CARD8: variants seen among roughly 807,000 people sequenced by gnomAD.
The protein encoded by CARD8 is caspase recruitment domain-containing protein 8.
A neutral mutation model predicts 53.2 loss-of-function variants in CARD8; 38 were observed. The ratio of observed to expected loss-of-function variants is 0.71; its 90% CI spans 0.55 to 0.94. The LOEUF (loss-of-function observed/expected upper bound fraction) is 0.94, where lower values mean the gene tolerates loss of function less well. Ranked by LOEUF, CARD8 falls within the 40% of genes least tolerant of loss-of-function variation. The pLI, the probability that CARD8 is intolerant of heterozygous loss-of-function variation, is 0.00. For synonymous variants in CARD8, 245 were observed against 244.9 expected, an observed-to-expected ratio of 1.00 and a Z score of 0.00; for missense variants, 561 against 655.5, an observed-to-expected ratio of 0.86 and a Z score of 1.57.
intron 7 of CARD8, 66 bp from the exon 8 acceptor site, chr19:48,231,876 T>C (rs754732498): frequency 5.5e-6 from 8 of 1,459,450 alleles, no homozygotes; most frequent in African/African-American, 4.2e-5. Flanking sequence ...GAAGGACTCC[T>C]GGAGGCTGAA....
downstream of CARD8, among the ~76,000 whole-genome samples, chr19:48,204,447 G>T (rs557664685): frequency 3.9e-5 from 6 of 152,210 alleles, no homozygotes; most frequent in Admixed American, 2.0e-4. Flanking sequence ...GGAGATCATT[G>T]AAATCGACAA....
At position 48,210,661 on chromosome 19, in the gene CARD8, G is replaced by A. The variant is rs1411234211; in HGVS notation, c.*1049C>T. On this transcript the variant is annotated 3_prime_UTR_variant, in exon 14 of 14. Transcript: ENST00000651546. ...TAGAATAGAAAAGACATAACAAACT[G>A]GCTGACTGAGGATAAATCCTAACAT... The A allele has an allele frequency of 6.6e-6, 1 of 152,048 alleles. No homozygotes were observed. Among genetic ancestry groups the A allele is most frequent in the Non-Finnish European group, 1.5e-5 (1 of 67,990 alleles). The allele number at this position is 152,048 out of a possible 1,614,324, so 9.4% of individuals were successfully genotyped here.
intron 13 of CARD8, among the ~76,000 whole-genome samples, chr19:48,214,065 T>C (rs770283617): frequency 6.6e-6 from 1 of 152,188 alleles, no homozygotes; most frequent in Non-Finnish European, 1.5e-5. Context: ...CCCCCAATAA[T>C]TTGCTGTTGT....
rs139464216 is a variant in CARD8, at chr19:48,249,229, C to A, written c.-44+294G>T. On this transcript the variant is annotated intron_variant, in intron 3 of 13. Transcript: ENST00000651546. ...AAAAAAAGTAATATTGATTAAAAATCAAATTGCATGAGACTGCACAGCACG... is the reference window on the plus strand; with the variant it reads ...AAAAAAAGTAATATTGATTAAAAATAAAATTGCATGAGACTGCACAGCACG... 1.6e-3 allele frequency among the ~76,000 whole-genome samples: 246 copies of A among 151,390 alleles called. 2 individuals carry two copies. The highest frequency in any genetic ancestry group is 5.7e-3 in the African/African-American group (236 of 41,330).
intron 10 of CARD8, among the ~76,000 whole-genome samples, chr19:48,226,384 C>T (rs950537345): frequency 1.3e-5 from 2 of 152,066 alleles, no homozygotes; most frequent in Admixed American, 1.3e-4. Context: ...CCATCACATC[C>T]AGCTAATTTT....
chr19:48,217,066 C>T (rs941546916), intron 12 of CARD8, among the ~76,000 whole-genome samples: 1 of 152,010 alleles, frequency 6.6e-6, no homozygotes, highest in Non-Finnish European at 1.5e-5. Context: ...GCACAGTTCA[C>T]AATAGGGTTC....
downstream of CARD8, chr19:48,203,377 T>C (rs1026614331): frequency 5.3e-5 from 8 of 152,234 alleles, no homozygotes; most frequent in African/African-American, 1.4e-4. Flanking sequence ...TGATTAAGCT[T>C]ATCAAGTATG....
At chr19:48,215,208 T>G (rs2039013494) in intron 13 of CARD8, 132 bp downstream of exon 13, 1 of 630,760 alleles carries the variant, frequency 1.6e-6, no homozygotes. Flanking sequence ...GAATTGAGGT[T>G]GCTGCAGACC....
At chr19:48,253,472 A>G (rs1483396507) in intron 1 of CARD8, among the ~76,000 whole-genome samples, 1 of 152,180 alleles carries the variant, frequency 6.6e-6, no homozygotes, top group African/African-American at 2.4e-5. Flanking sequence ...GCAGTGATAT[A>G]CCATATACAT....
chr19:48,217,494 TG>T (rs1334635688), intron 12 of CARD8, among the ~76,000 whole-genome samples: 1 of 152,212 alleles, frequency 6.6e-6, no homozygotes, highest in African/African-American at 2.4e-5. Context: ...TATCTTCATA[TG>T]GGTGCTTTTA....
intron 12 of CARD8, 21 bp from the exon 13 acceptor site, chr19:48,215,405 A>T: frequency 6.4e-7 from 1 of 1,561,432 alleles, no homozygotes; most frequent in South Asian, 1.1e-5. Flanking sequence ...GGGAAAAATT[A>T]TATGATGAGA....
Position 48,238,404 on chromosome 19 carries a change from T to A in CARD8, c.188A>T (p.Glu63Val). Residue 63 changes from glutamate to valine, a missense_variant, in exon 5 of 14, where the codon GAG becomes GTG. By Grantham distance (121) the Glu-to-Val change is moderately radical (BLOSUM62 -2). Transcript: ENST00000651546. ...YTKTGIFFQA[E>V]ACVTNDTVYR... Reference sequence around the variant, plus strand: ...TTACGTATCATTTGTCACACAGGCCTCAGCCTGAAAAAAAATTCCAGTTTT... The same window carrying A: ...TTACGTATCATTTGTCACACAGGCCACAGCCTGAAAAAAAATTCCAGTTTT... The A allele has an allele frequency of 6.5e-7, 1 of 1,536,086 alleles. No individual in the cohort carries two copies. Among genetic ancestry groups the A allele is most frequent in the Non-Finnish European group, 8.7e-7 (1 of 1,146,872 alleles).
intron 1 of CARD8, among the ~76,000 whole-genome samples, chr19:48,254,565 C>T (rs530159592): frequency 8.0e-4 from 122 of 152,236 alleles, no homozygotes; most frequent in African/African-American, 2.9e-3. Context: ...GCCTGGCCAA[C>T]ATAGTGAAAC....
rs34702841 is a variant in CARD8 at position 48,208,825 on chromosome 19, TA to T, written c.*2884del. On this transcript the variant is annotated 3_prime_UTR_variant, in exon 14 of 14. Coordinates refer to ENST00000651546, the MANE Select transcript of CARD8 (RefSeq NM_001184900.3). ...ACCCTGTCTCTACTAAAAATATTTT[TA>T]AAAAAAAATTAGCCGGGCGTGTTGG... The T allele has an allele frequency of 0.81, 121,611 of 149,280 alleles. 50,507 individuals carry two copies. Among genetic ancestry groups the T allele is most frequent in the South Asian group, 0.91 (4,249 of 4,670 alleles). 9.2% of individuals were successfully genotyped at this position (149,280 alleles called of 1,614,324 possible).
intron 8 of CARD8, 70 bp from the exon 9 acceptor site, chr19:48,231,076 G>C: frequency 7.8e-7 from 1 of 1,289,778 alleles, no homozygotes. Context: ...GATGTGCAGA[G>C]GGAGGTGGGA....
intron 10 of CARD8, among the ~76,000 whole-genome samples, chr19:48,225,897 A>C (rs1237466071): frequency 6.6e-6 from 1 of 152,082 alleles, no homozygotes; most frequent in Non-Finnish European, 1.5e-5. Flanking sequence ...TACTAAAAAT[A>C]CGAAAATTAG....
At chr19:48,239,328 G>A (rs1296530816) in intron 4 of CARD8, among the ~76,000 whole-genome samples, 1 of 152,052 alleles carries the variant, frequency 6.6e-6, no homozygotes, top group Non-Finnish European at 1.5e-5. Context: ...CAGTACTCTC[G>A]TCACAAATCC....
chr19:48,222,582 TG>T (rs1343681010), intron 10 of CARD8, among the ~76,000 whole-genome samples: 1 of 151,400 alleles, frequency 6.6e-6, no homozygotes, highest in East Asian at 1.9e-4. Context: ...CCAGCTACTC[TG>T]GAGGCTGAGG....
At position 48,255,108 on chromosome 19, in the gene CARD8, C is replaced by T. The variant is rs555095152; in HGVS notation, c.-252+684G>A. Among the ~76,000 whole-genome samples the T allele has an allele frequency of 2.0e-5, 3 of 152,360 alleles. No homozygotes were observed. The East Asian group carries it at 5.8e-4, about 29-fold the overall frequency. On this transcript the variant is annotated intron_variant, in intron 1 of 13. Coordinates refer to ENST00000651546, the MANE Select transcript of CARD8 (RefSeq NM_001184900.3). ...TCCGGCTGGGCGCAGTGGCTCACGC[C>T]TGTAATCCCAACACTTTGGGAGGCC... is the stretch of plus-strand genomic sequence containing the variant.
Sources: gnomAD v4.1 joint callset for allele counts (sites outside exome capture counted in the v4.1 genomes callset) on GRCh38, gnomAD v4.1.1 for gene constraint, MANE v1.5 for transcripts, NCBI Gene and HGNC (gene_info 2026-07-23, HGNC 2026-07-21) for gene names.